Variants in WWOX observed in about 807,000 individuals in gnomAD.
The protein encoded by WWOX is WW domain-containing oxidoreductase.
Under a neutral mutation model 46.2 loss-of-function variants are expected in WWOX, and 69 were observed. The ratio of observed to expected loss-of-function variants is 1.49; its 90% confidence interval spans 1.23 to 1.82. The LOEUF is 1.82. Ranked by LOEUF, WWOX falls within the 40% of genes most tolerant of loss-of-function variation. The pLI is 0.00. For synonymous variants in WWOX, 359 were observed against 202.6 expected (o/e 1.77, Z -6.56); for missense variants, 919 against 542.6 (o/e 1.69, Z -6.89).
intron 8 of WWOX, among the ~76,000 whole-genome samples, chr16:78,838,717 C>T (rs1321500800): frequency 6.6e-6 from 1 of 152,126 alleles, no homozygotes; most frequent in South Asian, 2.1e-4. Flanking sequence ...GTAGCACACA[C>T]CTGTAATCCC....
At chr16:79,051,277 A>G (rs757425293) in intron 8 of WWOX, among the ~76,000 whole-genome samples, 70 of 152,176 alleles carry the variant, frequency 4.6e-4, no homozygotes, top group Non-Finnish European at 8.5e-4. Flanking sequence ...TAATTTTTGC[A>G]TCATGCGCAG....
intron 8 of WWOX, among the ~76,000 whole-genome samples, chr16:78,508,253 C>G (rs2085266681): frequency 6.6e-6 from 1 of 150,880 alleles, no homozygotes; most frequent in Non-Finnish European, 1.5e-5. Context: ...TCAGGTGATC[C>G]TCCTGCCTCA....
In WWOX at chr16:78,756,848, G is replaced by A. The variant is rs928462387; in HGVS notation, c.1056+324096G>A. On this transcript the variant is annotated intron_variant, in intron 8 of 8. Transcript: ENST00000566780. ...ATACTACTGACCTGTATAATCGATA[G>A]GGTATTGCAGACATCAGAGCATGTG... 95 of 692,822 alleles carry A rather than the reference G, an allele frequency of 1.4e-4. 2 individuals carry two copies. The East Asian group carries it at 2.5e-3, about 18-fold the overall frequency. The allele number at this position is 692,822 out of a possible 1,614,324, so 42.9% of individuals were successfully genotyped here. A position where few individuals can be genotyped will look rare whatever the true frequency, so the allele number is the denominator to read the frequency against.
chr16:78,143,382 C>A (rs1358482970), intron 4 of WWOX, among the ~76,000 whole-genome samples: 2 of 152,098 alleles, frequency 1.3e-5, no homozygotes, highest in Non-Finnish European at 1.5e-5. Flanking sequence ...CAGTTTAGAA[C>A]CGAATGTTAA....
chr16:79,030,582 C>A (rs532740177), intron 8 of WWOX, among the ~76,000 whole-genome samples: 9 of 152,160 alleles, frequency 5.9e-5, no homozygotes, highest in Non-Finnish European at 1.2e-4. Flanking sequence ...TGTCTTGGTC[C>A]GTCTCATTTA....
chr16:78,401,099 C>T (rs548418683), intron 6 of WWOX, among the ~76,000 whole-genome samples: 1 of 152,316 alleles, frequency 6.6e-6, no homozygotes, highest in Non-Finnish European at 1.5e-5. Flanking sequence ...GGATTACAGG[C>T]ATGAGCCATG....
intron 5 of WWOX, among the ~76,000 whole-genome samples, chr16:78,276,091 A>G (rs1056317896): frequency 6.6e-6 from 1 of 152,184 alleles, no homozygotes; most frequent in African/African-American, 2.4e-5. Flanking sequence ...CTGCAGTTTC[A>G]TGATGGCAAG....
intron 5 of WWOX, among the ~76,000 whole-genome samples, chr16:78,213,721 A>G (rs2036631460): frequency 6.6e-6 from 1 of 152,174 alleles, no homozygotes; most frequent in East Asian, 1.9e-4. Context: ...TGCCATGACA[A>G]ATACCAGGGA....
intron 8 of WWOX, among the ~76,000 whole-genome samples, chr16:78,910,942 A>T (rs908874749): frequency 6.6e-6 from 1 of 152,078 alleles, no homozygotes; most frequent in Non-Finnish European, 1.5e-5. Flanking sequence ...TAGCCTTTCC[A>T]TCATGTTTAC....
At chr16:78,920,652 C>G (rs1399721606) in intron 8 of WWOX, among the ~76,000 whole-genome samples, 1 of 152,152 alleles carries the variant, frequency 6.6e-6, no homozygotes, top group Non-Finnish European at 1.5e-5. Flanking sequence ...CTGCTTGATT[C>G]ATGTCTTGGA....
At chr16:78,351,298 C>G (rs1290849905) in intron 5 of WWOX, among the ~76,000 whole-genome samples, 1 of 152,210 alleles carries the variant, frequency 6.6e-6, no homozygotes, top group African/African-American at 2.4e-5. Flanking sequence ...AATCCCTTTA[C>G]TTTTTTGTGC....
intron 8 of WWOX, among the ~76,000 whole-genome samples, chr16:78,954,536 C>T (rs1201199550): frequency 1.3e-5 from 2 of 152,116 alleles, no homozygotes; most frequent in African/African-American, 2.4e-5. Context: ...GCCCAAATGC[C>T]CCATTTCCTT....
Position 78,865,348 on chromosome 16 carries a change from C to T in WWOX, c.1057-346260C>T, listed in dbSNP as rs149649629. On this transcript the variant is annotated intron_variant, in intron 8 of 8. Transcript: ENST00000566780. Reference sequence around the variant, plus strand: ...CAAGACTTATTAAATGACTGATTTCCTTAAAAGAAGTACGTCAGGTGAAGG... The same window carrying T: ...CAAGACTTATTAAATGACTGATTTCTTTAAAAGAAGTACGTCAGGTGAAGG... 9.8e-4 allele frequency among the ~76,000 whole-genome samples: 149 copies of T among 152,100 alleles called. 1 individual carries two copies. Among genetic ancestry groups the T allele is most frequent in the African/African-American group, 3.4e-3 (141 of 41,480 alleles).
intron 8 of WWOX, among the ~76,000 whole-genome samples, chr16:78,543,033 T>C (rs1333985111): frequency 1.3e-5 from 2 of 152,198 alleles, no homozygotes; most frequent in South Asian, 2.1e-4. Context: ...GGGGATGTGG[T>C]TGGGGAAGGG....
chr16:78,474,073 C>T (rs1016553339), intron 8 of WWOX, among the ~76,000 whole-genome samples: 2 of 152,174 alleles, frequency 1.3e-5, no homozygotes, highest in East Asian at 1.9e-4. Flanking sequence ...ACATTGAGGA[C>T]GTCTTCTTTT....
At chr16:78,798,780 A>G (rs1189063717) in intron 8 of WWOX, among the ~76,000 whole-genome samples, 2 of 152,318 alleles carry the variant, frequency 1.3e-5, no homozygotes, top group Admixed American at 1.3e-4. Context: ...ACATAAAGTA[A>G]TATAAACTGA....
At chr16:78,554,143 C>T (rs538337309) in intron 8 of WWOX, among the ~76,000 whole-genome samples, 1 of 152,228 alleles carries the variant, frequency 6.6e-6, no homozygotes, top group South Asian at 2.1e-4. Flanking sequence ...TGCTACCATG[C>T]AGAAAAGTGC....
intron 8 of WWOX, among the ~76,000 whole-genome samples, chr16:78,601,500 C>G (rs1209177674): frequency 6.6e-6 from 1 of 151,858 alleles, no homozygotes; most frequent in Non-Finnish European, 1.5e-5. Context: ...TATCTCCAAG[C>G]CATTATTCAC....
At chr16:79,058,732 A>G (rs2048309411) in intron 8 of WWOX, among the ~76,000 whole-genome samples, 1 of 152,348 alleles carries the variant, frequency 6.6e-6, no homozygotes, top group East Asian at 1.9e-4. Flanking sequence ...ATCTGTGTGC[A>G]TCCTGGCAAT....
Sources: gnomAD v4.1 joint callset for allele counts (sites outside exome capture counted in the v4.1 genomes callset) on GRCh38, gnomAD v4.1.1 for gene constraint, MANE v1.5 for transcripts, NCBI Gene and HGNC (gene_info 2026-07-23, HGNC 2026-07-21) for gene names.